TMCC3: variants seen among roughly 807,000 people sequenced by gnomAD.
TMCC3 encodes transmembrane and coiled-coil domain protein 3.
Under a neutral mutation model 40.2 loss-of-function variants are expected in TMCC3, and 28 were observed. The ratio of observed to expected loss-of-function variants is 0.70; its 90% CI spans 0.52 to 0.95. The LOEUF (loss-of-function observed/expected upper bound fraction) is 0.95, where lower values mean the gene tolerates loss of function less well. Ranked by LOEUF, TMCC3 falls within the 40% of genes least tolerant of loss-of-function variation. The pLI is 0.00. For synonymous variants in TMCC3, 255 were observed against 248.5 expected, an observed-to-expected ratio of 1.03 and a Z score of -0.25; for missense variants, 554 against 615.2, an observed-to-expected ratio of 0.90 and a Z score of 1.05.
At chr12:94,603,916 G>A (rs1594283071) in intron 1 of TMCC3, among the ~76,000 whole-genome samples, 1 of 151,960 alleles carries the variant, frequency 6.6e-6, no homozygotes, top group Non-Finnish European at 1.5e-5. Context: ...ATTCTAGCAA[G>A]AAAAAAAACC....
Position 94,604,957 on chromosome 12 carries a change from A to G in TMCC3, c.79-22419T>C, listed in dbSNP as rs564080610. Among the ~76,000 whole-genome samples the G allele has an allele frequency of 2.0e-5, 3 of 152,298 alleles. No homozygotes were observed. The South Asian group carries it at 6.2e-4, about 32-fold the overall frequency. ...GAGAGCCTAGCAAGGAGCACATTGTATCTGCAGAAGGAAAAACTAGAATAT... is the reference window on the plus strand; with the variant it reads ...GAGAGCCTAGCAAGGAGCACATTGTGTCTGCAGAAGGAAAAACTAGAATAT... On this transcript the variant is annotated intron_variant, in intron 1 of 3. Coordinates refer to ENST00000261226, the MANE Select transcript of TMCC3 (RefSeq NM_020698.4).
chr12:94,578,482 T>C lies in TMCC3; in HGVS notation c.1043A>G (p.Gln348Arg), dbSNP rs141667606. 24 of 1,614,092 alleles carry C rather than the reference T, an allele frequency of 1.5e-5. No individual in the cohort carries two copies. Among genetic ancestry groups the C allele is most frequent in the South Asian group, 2.2e-5 (2 of 91,090 alleles). Residue 348 changes from glutamine to arginine, a missense_variant, in exon 3 of 4, where the codon CAG (glutamine) becomes CGG (arginine). Transcript: ENST00000261226. ...CTGCTTCAGGTTGGCTGTCTCATGC[T>C]GATGCAGGTCCGTCAGGTCATGCAG... ...DQLHDLTDLH[Q>R]HETANLKQEL...
intron 1 of TMCC3, among the ~76,000 whole-genome samples, chr12:94,599,561 C>CG (rs564295185): frequency 3.8e-5 from 2 of 52,580 alleles, no homozygotes; most frequent in East Asian, 6.3e-4. Context: ...AAGATACCCC[C>CG]CCCCCCGCCC....
intron 1 of TMCC3, among the ~76,000 whole-genome samples, chr12:94,607,333 A>G (rs2068789613): frequency 6.6e-6 from 1 of 152,220 alleles, no homozygotes; most frequent in Non-Finnish European, 1.5e-5. Context: ...GAGGTGACAT[A>G]CATTCTCAGC....
At chr12:94,571,853 T>C in intron 3 of TMCC3, 116 bp from the exon 4 acceptor site, 1 of 1,002,510 alleles carries the variant, frequency 1.0e-6, no homozygotes, top group Non-Finnish European at 1.5e-6. Context: ...CCCAGGCGGC[T>C]GCAAATCCCC....
intron 3 of TMCC3, among the ~76,000 whole-genome samples, chr12:94,577,140 G>A (rs922040163): frequency 2.6e-5 from 4 of 152,090 alleles, no homozygotes; most frequent in African/African-American, 7.2e-5. Flanking sequence ...AGTATGTATC[G>A]AAGTGCTTTA....
intron 1 of TMCC3, among the ~76,000 whole-genome samples, chr12:94,635,566 G>A (rs879379507): frequency 2.0e-5 from 3 of 151,508 alleles, no homozygotes; most frequent in African/African-American, 7.3e-5. Flanking sequence ...AAACACACAC[G>A]CACAAAACTT....
chr12:94,622,363 C>T (rs1306926431), intron 1 of TMCC3, among the ~76,000 whole-genome samples: 4 of 152,122 alleles, frequency 2.6e-5, no homozygotes, highest in Non-Finnish European at 4.4e-5. Flanking sequence ...TAATCAGTTC[C>T]ACAAAGAATA....
intron 1 of TMCC3, among the ~76,000 whole-genome samples, chr12:94,625,593 C>CAA (rs540684724): frequency 0.086 from 8,976 of 104,668 alleles, 435 homozygotes; most frequent in South Asian, 0.17. Flanking sequence ...GACTCCATCT[C>CAA]AAAAAAAAAA....
intron 1 of TMCC3, among the ~76,000 whole-genome samples, chr12:94,640,898 T>C (rs1297952513): frequency 2.6e-5 from 4 of 152,106 alleles, no homozygotes; most frequent in Non-Finnish European, 5.9e-5. Context: ...ATGATCGACA[T>C]TTAAGAAGTA....
At chr12:94,642,721 A>T (rs12813077) in intron 1 of TMCC3, among the ~76,000 whole-genome samples, 24,135 of 152,174 alleles carry the variant, frequency 0.16, 2,082 homozygotes, top group African/African-American at 0.21. Context: ...ACTGTTACAT[A>T]CTGTTATTAT....
intron 1 of TMCC3, among the ~76,000 whole-genome samples, chr12:94,589,871 T>G (rs2068661797): frequency 6.6e-6 from 1 of 152,196 alleles, no homozygotes; most frequent in African/African-American, 2.4e-5. Flanking sequence ...AACTCAGGTT[T>G]ATGAAATATG....
At chr12:94,589,738 T>C (rs2068660762) in intron 1 of TMCC3, among the ~76,000 whole-genome samples, 1 of 152,226 alleles carries the variant, frequency 6.6e-6, no homozygotes, top group African/African-American at 2.4e-5. Flanking sequence ...AATCAGGCAC[T>C]GTGCTAAAGA....
intron 1 of TMCC3, among the ~76,000 whole-genome samples, chr12:94,596,052 C>T (rs758418473): frequency 2.0e-5 from 3 of 152,108 alleles, no homozygotes; most frequent in Non-Finnish European, 4.4e-5. Flanking sequence ...CTGTTCTCTC[C>T]CAAAGATCTT....
chr12:94,582,644 C>T (rs970256504), intron 1 of TMCC3, 106 bp from the exon 2 acceptor site: 18 of 1,065,106 alleles, frequency 1.7e-5, no homozygotes, highest in African/African-American at 3.2e-5. Context: ...CCCAGTTTTT[C>T]GAACTACAAG....
At chr12:94,580,689 C>T (rs370549535) in intron 2 of TMCC3, among the ~76,000 whole-genome samples, 5 of 152,202 alleles carry the variant, frequency 3.3e-5, no homozygotes, top group South Asian at 2.1e-4. Context: ...GAGCCAAGAT[C>T]GCACCACTGC....
rs141407526 is a variant in TMCC3 at position 94,605,980 on chromosome 12, A to T, written c.79-23442T>A. ...AACTATGACTAAAATTATATGTGGA[A>T]AAAAAAAATCCAAATGAGATTAGTA... is the stretch of plus-strand genomic sequence containing the variant. On this transcript the variant is annotated intron_variant, in intron 1 of 3. Transcript: ENST00000261226. 4.7e-3 allele frequency among the ~76,000 whole-genome samples: 715 copies of T among 151,262 alleles called. 10 individuals carry two copies. The highest frequency in any genetic ancestry group is 0.017 in the African/African-American group (685 of 40,864).
chr12:94,581,011 A>C (rs994461982), intron 2 of TMCC3, among the ~76,000 whole-genome samples: 1 of 152,238 alleles, frequency 6.6e-6, no homozygotes, highest in Non-Finnish European at 1.5e-5. Flanking sequence ...CACAAATTAT[A>C]AACTTAGAAT....
intron 1 of TMCC3, among the ~76,000 whole-genome samples, chr12:94,597,854 A>G (rs1338516120): frequency 6.6e-6 from 1 of 152,118 alleles, no homozygotes; most frequent in African/African-American, 2.4e-5. Context: ...TCTCTAATGC[A>G]CCAGGAAGGT....
Sources: allele counts gnomAD v4.1 joint callset (sites outside exome capture counted in the v4.1 genomes callset), GRCh38; gene constraint gnomAD v4.1.1; transcripts MANE v1.5; gene names NCBI Gene and HGNC (gene_info 2026-07-23, HGNC 2026-07-21).